TESMIN: variants seen among roughly 807,000 people sequenced by gnomAD.
TESMIN encodes testis expressed metallothionein like protein.
Under a neutral mutation model 47.4 loss-of-function variants are expected in TESMIN, and 34 were observed. The observed-to-expected ratio is 0.72, with a 90% CI of 0.55 to 0.96. The LOEUF (loss-of-function observed/expected upper bound fraction) is 0.96. TESMIN is among the 40% of genes least tolerant of loss of function. TESMIN has a pLI of 0.00. For missense variants in TESMIN, 610 were observed against 637.2 expected, an observed-to-expected ratio of 0.96 and a Z score of 0.46; for synonymous variants, 278 against 258.9, an observed-to-expected ratio of 1.07 and a Z score of -0.71.
At chr11:68,732,278 A>G (rs1157015768) in intron 6 of TESMIN, among the ~76,000 whole-genome samples, 2 of 152,216 alleles carry the variant, frequency 1.3e-5, no homozygotes, top group Non-Finnish European at 2.9e-5. Flanking sequence ...TCGGTCACCA[A>G]TTAAGCTAGG....
At chr11:68,738,629 A>T in intron 6 of TESMIN, 71 bp downstream of exon 6, 2 of 1,594,652 alleles carry the variant, frequency 1.3e-6, no homozygotes, top group Non-Finnish European at 1.7e-6. Flanking sequence ...TATAGAAGAA[A>T]ATCGTGAACG....
At position 68,737,505 on chromosome 11, in the gene TESMIN, G is replaced by A. The variant is rs142390532; in HGVS notation, c.917+1195C>T. 63 of 985,742 alleles carry A rather than the reference G, an allele frequency of 6.4e-5. 1 individual carries two copies. In the East Asian group the frequency reaches 4.0e-3, roughly 62 times the overall value. 61.1% of individuals were successfully genotyped at this position (985,742 alleles called of 1,614,324 possible). ...CCAAGGCCATCACGAAGCCATGCCC[G>A]ATGGCAGAACTCTGCAGGAGCCTGG... On this transcript the variant is annotated intron_variant, in intron 6 of 9. Coordinates refer to ENST00000255087, the MANE Select transcript of TESMIN (RefSeq NM_004923.3).
At chr11:68,727,313 G>A (rs1225920079) in intron 6 of TESMIN, among the ~76,000 whole-genome samples, 2 of 152,136 alleles carry the variant, frequency 1.3e-5, no homozygotes, top group Non-Finnish European at 2.9e-5. Flanking sequence ...GGTGATGCAT[G>A]CCTGTAATCC....
intron 6 of TESMIN, chr11:68,733,789 C>T (rs1409248231): frequency 6.6e-6 from 1 of 152,184 alleles, no homozygotes; most frequent in African/African-American, 2.4e-5. Context: ...ATTAGCTAAG[C>T]ATCTGGTGTT....
intron 1 of TESMIN, among the ~76,000 whole-genome samples, chr11:68,751,043 C>A (rs1246459517): frequency 2.9e-5 from 1 of 34,504 alleles, no homozygotes; most frequent in African/African-American, 1.2e-4. Context: ...ACGGGAGGGG[C>A]GACCAGGGGA....
chr11:68,713,785 G>T (rs1946101566), intron 7 of TESMIN, among the ~76,000 whole-genome samples: 1 of 152,094 alleles, frequency 6.6e-6, no homozygotes, highest in Non-Finnish European at 1.5e-5. Context: ...AGCTCACACT[G>T]CCTGATCACA....
At chr11:68,705,828 G>GC (rs1449864637), downstream of TESMIN, among the ~76,000 whole-genome samples, 1 of 152,078 alleles carries the variant, frequency 6.6e-6, no homozygotes, top group Non-Finnish European at 1.5e-5. Context: ...TTCAAGACCA[G>GC]CCTGGCCAAC....
intron 3 of TESMIN, among the ~76,000 whole-genome samples, chr11:68,746,813 G>A (rs1306660400): frequency 3.9e-5 from 6 of 152,128 alleles, no homozygotes; most frequent in East Asian, 1.9e-4. Flanking sequence ...CTATACAAGC[G>A]TTACCTGTTA....
chr11:68,745,800 G>A (rs1243321004), intron 3 of TESMIN, among the ~76,000 whole-genome samples: 1 of 152,154 alleles, frequency 6.6e-6, no homozygotes, highest in African/African-American at 2.4e-5. Context: ...TCGCAAGCCG[G>A]GTGGGTCTGC....
At chr11:68,719,611 C>T (rs1033250674) in intron 6 of TESMIN, among the ~76,000 whole-genome samples, 4 of 152,092 alleles carry the variant, frequency 2.6e-5, no homozygotes, top group African/African-American at 4.8e-5. Flanking sequence ...TTGAAAGTTC[C>T]TGGGGGTCAG....
At chr11:68,725,759 T>C (rs539651943) in intron 6 of TESMIN, among the ~76,000 whole-genome samples, 1 of 152,238 alleles carries the variant, frequency 6.6e-6, no homozygotes, top group East Asian at 1.9e-4. Flanking sequence ...AGGTGTGAGC[T>C]ACCATGCCCA....
chr11:68,713,194 GTT>G, intron 8 of TESMIN, 74 bp downstream of exon 8: 1 of 1,431,780 alleles, frequency 7.0e-7, no homozygotes, highest in East Asian at 2.4e-5. Flanking sequence ...TTACAGCAAA[GTT>G]TTTTTAACCA....
intron 9 of TESMIN, 191 bp downstream of exon 9, chr11:68,710,683 G>A (rs776408065): frequency 2.3e-4 from 123 of 540,576 alleles, no homozygotes; most frequent in African/African-American, 1.7e-3. Context: ...TTTCTGCAGC[G>A]GGGCCTCTAA....
At position 68,750,572 on chromosome 11, in the gene TESMIN, G is replaced by T; in HGVS notation, c.89C>A (p.Ser30Ter). 1.2e-6 allele frequency: 2 copies of T among 1,607,648 alleles called. No homozygotes were observed. Among genetic ancestry groups the T allele is most frequent in the Non-Finnish European group, 1.7e-6 (2 of 1,177,936 alleles). Reference protein sequence around the residue: ...ELLSPEGPFASENIGLKAPVK... With the variant: ...ELLSPEGPFA The stretch of plus-strand genomic sequence containing the variant: ...GGGGGCCTTCAGGCCGATGTTCTCC[G>T]AAGCGAACGGACCCTCGGGGCTTAA... The change falls in exon 2 of 10, where the codon TCG becomes TAG. Residue 30 changes from serine to a stop codon, truncating the protein, a stop_gained. Coordinates refer to ENST00000255087, the MANE Select transcript of TESMIN (RefSeq NM_004923.3). LOFTEE classifies it high-confidence loss of function.
At chr11:68,707,375 A>C (rs1165528542), downstream of TESMIN, 1 of 157,702 alleles carries the variant, frequency 6.3e-6, no homozygotes, top group Non-Finnish European at 1.4e-5. Flanking sequence ...ATATTCTCTC[A>C]ATACATTTCA....
At chr11:68,749,944 C>A (rs1183563168) in intron 2 of TESMIN, among the ~76,000 whole-genome samples, 1 of 152,154 alleles carries the variant, frequency 6.6e-6, no homozygotes, top group Non-Finnish European at 1.5e-5. Flanking sequence ...GTTAGGTCAG[C>A]TTTGGACGAC....
chr11:68,741,886 G>C (rs745380269), intron 5 of TESMIN, among the ~76,000 whole-genome samples: 16 of 152,306 alleles, frequency 1.1e-4, no homozygotes, highest in Non-Finnish European at 1.9e-4. Context: ...CAAAACTCGG[G>C]AAAAAGAGCG....
chr11:68,750,723 GGCA>G, intron 1 of TESMIN, 24 bp from the exon 2 acceptor site: 1 of 1,220,048 alleles, frequency 8.2e-7, no homozygotes. Context: ...CCAGGTGAGA[GGCA>G]GCCAGAGGAG....
chr11:68,725,661 C>T (rs766667955), intron 6 of TESMIN, among the ~76,000 whole-genome samples: 41 of 151,802 alleles, frequency 2.7e-4, no homozygotes, highest in Non-Finnish European at 4.6e-4. Context: ...TTGTTGGAAA[C>T]GGGTTCTCAC....
Sources: allele counts gnomAD v4.1 joint callset (sites outside exome capture counted in the v4.1 genomes callset), GRCh38; gene constraint gnomAD v4.1.1; transcripts MANE v1.5; gene names NCBI Gene and HGNC (gene_info 2026-07-23, HGNC 2026-07-21).